LBP: variants seen among roughly 807,000 people sequenced by gnomAD.
LBP encodes the protein lipopolysaccharide binding protein.
In LBP, 53 loss-of-function variants were observed where a neutral mutation model predicts 56.6. The ratio of observed to expected loss-of-function variants is 0.94; its 90% CI spans 0.75 to 1.18. LBP has a LOEUF of 1.18. Among genes scored for constraint, LBP ranks in the 50% most tolerant of loss-of-function variants. The pLI, the probability that LBP is intolerant of heterozygous loss-of-function variation, is 0.00. For missense variants in LBP, 601 were observed against 598.3 expected, an observed-to-expected ratio of 1.00 and a Z score of -0.05; for synonymous variants, 227 against 247.5, an observed-to-expected ratio of 0.92 and a Z score of 0.78.
intron 10 of LBP, 100 bp from the exon 11 acceptor site, chr20:38,370,638 A>T: frequency 9.6e-7 from 1 of 1,044,340 alleles, no homozygotes; most frequent in South Asian, 1.3e-5. Context: ...TAGCTCATTG[A>T]GCTGTTTGTT....
chr20:38,362,783 A>G (rs1207367895), intron 6 of LBP, among the ~76,000 whole-genome samples: 1 of 151,964 alleles, frequency 6.6e-6, no homozygotes, highest in Non-Finnish European at 1.5e-5. Context: ...CCCCATCTCT[A>G]CAATAAATAC....
At chr20:38,358,813 A>G (rs1174799392) in intron 5 of LBP, among the ~76,000 whole-genome samples, 4 of 152,182 alleles carry the variant, frequency 2.6e-5, no homozygotes, top group Non-Finnish European at 5.9e-5. Flanking sequence ...TCATTGCACA[A>G]GAGGTGGTAG....
intron 5 of LBP, among the ~76,000 whole-genome samples, chr20:38,360,301 T>A (rs2076855338): frequency 6.6e-6 from 1 of 152,018 alleles, no homozygotes; most frequent in South Asian, 2.1e-4. Context: ...ATTAACTGTA[T>A]GTTTATTTGT....
At chr20:38,375,209 G>A (rs1378520942) in intron 14 of LBP, among the ~76,000 whole-genome samples, 1 of 150,068 alleles carries the variant, frequency 6.7e-6, no homozygotes, top group Non-Finnish European at 1.5e-5. Flanking sequence ...TTTTTTTTAA[G>A]TTTGTTTGTT....
chr20:38,347,065 T>C (rs2076803665), intron 1 of LBP, among the ~76,000 whole-genome samples: 2 of 152,132 alleles, frequency 1.3e-5, no homozygotes, highest in African/African-American at 4.8e-5. Flanking sequence ...AAGTCAGAAT[T>C]GTGGTCACCT....
At position 38,349,679 on chromosome 20, in the gene LBP, T is replaced by C. The variant is rs771333970; in HGVS notation, c.239+17T>C. 1.5e-5 allele frequency: 23 copies of C among 1,545,276 alleles called. No individual in the cohort carries two copies. In the East Asian group the frequency reaches 4.8e-4, roughly 32 times the overall value. The stretch of plus-strand genomic sequence containing the variant: ...GTTCCACAGGTGGGGCTCTCCCTTC[T>C]GCTGCGGCTCTGAAGTGGCTGGAGC... On this transcript the variant is annotated intron_variant, in intron 2 of 14. Transcript: ENST00000217407.
chr20:38,354,948 G>C (rs149995945), intron 4 of LBP, among the ~76,000 whole-genome samples: 1 of 152,304 alleles, frequency 6.6e-6, no homozygotes, highest in Non-Finnish European at 1.5e-5. Flanking sequence ...CAGGCATGAT[G>C]GCACATGCCT....
chr20:38,346,747 G>A, intron 1 of LBP, 107 bp downstream of exon 1: 4 of 1,474,590 alleles, frequency 2.7e-6, no homozygotes, highest in East Asian at 2.3e-5. Context: ...TCTCCCTGGG[G>A]CAGTGCCACC....
intron 9 of LBP, among the ~76,000 whole-genome samples, chr20:38,367,806 C>T (rs1377005931): frequency 3.3e-5 from 5 of 152,024 alleles, no homozygotes; most frequent in Non-Finnish European, 7.4e-5. Context: ...GCTGTTTTTC[C>T]ACGAATAGCC....
chr20:38,371,430 A>AT (rs912805632), intron 12 of LBP, 108 bp downstream of exon 12: 21 of 861,642 alleles, frequency 2.4e-5, no homozygotes, highest in Middle Eastern at 2.6e-4. Context: ...AGAAGAGTTG[A>AT]TTTTTTGCCC....
At chr20:38,366,936 G>A (rs540753487) in intron 9 of LBP, 108 bp downstream of exon 9, 7 of 993,112 alleles carry the variant, frequency 7.0e-6, no homozygotes, top group East Asian at 4.8e-5. Flanking sequence ...TGAGAAGGCC[G>A]GGATGAGACT....
intron 4 of LBP, among the ~76,000 whole-genome samples, chr20:38,354,851 G>A (rs6069847): frequency 0.14 from 21,127 of 152,166 alleles, 1,625 homozygotes; most frequent in South Asian, 0.2. Flanking sequence ...GAGACGCCAA[G>A]GCAGAAAATC....
rs1313509328 is a variant in LBP, at chr20:38,376,741, CAG to C, written c.*76_*77del. On this transcript the variant is annotated 3_prime_UTR_variant, in exon 15 of 15. Transcript: ENST00000217407. The stretch of plus-strand genomic sequence containing the variant: ...GCATTTCCAGCTGTGCAGCACGTCT[CAG>C]AGATTCTTGAAGAATGAAGACATTT... 31 of 1,428,078 alleles carry C rather than the reference CAG, an allele frequency of 2.2e-5. No individual in the cohort carries two copies. The highest frequency in any genetic ancestry group is 3.1e-5 in the Non-Finnish European group (31 of 1,012,722). The allele number at this position is 1,428,078 out of a possible 1,614,324, so 88.5% of individuals were successfully genotyped here. A position where few individuals can be genotyped will look rare whatever the true frequency, so the allele number is the denominator to read the frequency against.
At chr20:38,368,201 C>T (rs1351521276) in intron 9 of LBP, among the ~76,000 whole-genome samples, 4 of 152,034 alleles carry the variant, frequency 2.6e-5, no homozygotes, top group African/African-American at 9.7e-5. Context: ...GCCCAATTAG[C>T]AGAATGTGAT....
intron 14 of LBP, among the ~76,000 whole-genome samples, chr20:38,375,316 T>C (rs958840819): frequency 2.0e-5 from 3 of 151,826 alleles, no homozygotes; most frequent in Non-Finnish European, 4.4e-5. Context: ...GGAGCGGTGG[T>C]TCATGCCTGT....
intron 5 of LBP, among the ~76,000 whole-genome samples, chr20:38,359,608 A>C (rs1004750853): frequency 6.6e-6 from 1 of 151,904 alleles, no homozygotes; most frequent in Non-Finnish European, 1.5e-5. Context: ...CAAAAAAAAA[A>C]ACTCTTTTCT....
At position 38,373,225 on chromosome 20, in the gene LBP, G is replaced by C. The variant is rs369096689; in HGVS notation, c.1324+90G>C. 10 of 1,106,700 alleles carry C rather than the reference G, an allele frequency of 9.0e-6. No homozygotes were observed. The East Asian group carries it at 2.1e-4, about 24-fold the overall frequency. 68.6% of individuals were successfully genotyped at this position (1,106,700 alleles called of 1,614,324 possible). On this transcript the variant is annotated intron_variant, in intron 13 of 14. Transcript: ENST00000217407. ...GGACTTGGAAAACAGGGCTCTCCTGGGGGCTGTATGACCGTGGGCAAGTCA... is the reference window on the plus strand; with the variant it reads ...GGACTTGGAAAACAGGGCTCTCCTGCGGGCTGTATGACCGTGGGCAAGTCA...
chr20:38,362,053 CTTT>C (rs1229689650), intron 6 of LBP, among the ~76,000 whole-genome samples: 31 of 117,634 alleles, frequency 2.6e-4, no homozygotes, highest in African/African-American at 4.4e-4. Flanking sequence ...TTTTTGTTTT[CTTT>C]TTTTTTTTTT....
chr20:38,361,036 C>G (rs187398369), intron 6 of LBP, among the ~76,000 whole-genome samples: 1 of 151,892 alleles, frequency 6.6e-6, no homozygotes, highest in African/African-American at 2.4e-5. Flanking sequence ...GTGGCGCATG[C>G]CTGTAATCCC....
Sources: gnomAD v4.1 joint callset for allele counts (sites outside exome capture counted in the v4.1 genomes callset) on GRCh38, gnomAD v4.1.1 for gene constraint, MANE v1.5 for transcripts, NCBI Gene and HGNC (gene_info 2026-07-23, HGNC 2026-07-21) for gene names.